The following DCDC2C variants were observed in gnomAD, a reference collection of about 807,000 sequenced individuals.
DCDC2C encodes doublecortin domain-containing protein 2C.
In DCDC2C, 44 loss-of-function variants were observed where a neutral mutation model predicts 45.0. The observed-to-expected ratio is 0.98, with a 90% confidence interval of 0.77 to 1.26. The LOEUF (loss-of-function observed/expected upper bound fraction) is 1.26. Among genes scored for constraint, DCDC2C ranks in the 50% most tolerant of loss-of-function variants. The pLI is 0.00. For missense variants in DCDC2C, 447 were observed against 468.9 expected (o/e 0.95, Z 0.43); for synonymous variants, 187 against 178.8 (o/e 1.05, Z -0.37).
intron 3 of DCDC2C, among the ~76,000 whole-genome samples, chr2:3,740,912 T>A (rs1669186449): frequency 6.6e-6 from 1 of 152,220 alleles, no homozygotes; most frequent in South Asian, 2.1e-4. Context: ...TAAATTATAA[T>A]GTAAAAAAAT....
intron 1 of DCDC2C, among the ~76,000 whole-genome samples, chr2:3,707,593 C>T (rs1034312662): frequency 4.6e-5 from 7 of 152,096 alleles, no homozygotes; most frequent in African/African-American, 1.7e-4. Flanking sequence ...TTTGGTCTCC[C>T]TTGGAAAAAA....
intron 1 of DCDC2C, among the ~76,000 whole-genome samples, chr2:3,707,775 G>T (rs1234399132): frequency 6.6e-6 from 1 of 152,172 alleles, no homozygotes; most frequent in Non-Finnish European, 1.5e-5. Context: ...ACCAGTTTCT[G>T]TGGGGATCTG....
chr2:3,728,686 C>T (rs1274423102), intron 3 of DCDC2C, among the ~76,000 whole-genome samples: 1 of 152,184 alleles, frequency 6.6e-6, no homozygotes, highest in Non-Finnish European at 1.5e-5. Flanking sequence ...TAAACCTGAT[C>T]GTGTTCCTCG....
intron 2 of DCDC2C, among the ~76,000 whole-genome samples, chr2:3,720,745 C>T (rs145482662): frequency 5.2e-4 from 79 of 152,220 alleles, no homozygotes; most frequent in African/African-American, 1.8e-3. Context: ...ATTCCTGGGG[C>T]AAACCCCACT....
chr2:3,748,455 C>T (rs1445586069), intron 4 of DCDC2C, among the ~76,000 whole-genome samples: 1 of 151,776 alleles, frequency 6.6e-6, no homozygotes, highest in African/African-American at 2.4e-5. Flanking sequence ...ATCAGAGCAG[C>T]TGGGTGACTG....
chr2:3,727,760 C>G (rs1668737795), intron 3 of DCDC2C, among the ~76,000 whole-genome samples: 1 of 152,184 alleles, frequency 6.6e-6, no homozygotes, highest in African/African-American at 2.4e-5. Flanking sequence ...GGCTTTTCGT[C>G]TTATCAGCTT....
chr2:3,836,522 G>C (rs1193897439), intron 10 of DCDC2C, among the ~76,000 whole-genome samples: 4 of 152,206 alleles, frequency 2.6e-5, no homozygotes, highest in African/African-American at 9.6e-5. Context: ...TTTTGATAAA[G>C]TACCATGATT....
At chr2:3,787,712 G>C (rs1211177174) in intron 10 of DCDC2C, among the ~76,000 whole-genome samples, 1 of 152,152 alleles carries the variant, frequency 6.6e-6, no homozygotes, top group Non-Finnish European at 1.5e-5. Context: ...AAATGAGAAA[G>C]TGAAAACCCT....
chr2:3,742,923 A>T (rs1414129985), intron 4 of DCDC2C, among the ~76,000 whole-genome samples: 1 of 152,208 alleles, frequency 6.6e-6, no homozygotes, highest in Non-Finnish European at 1.5e-5. Flanking sequence ...ATGAAAGCTC[A>T]CAGTGGTGCT....
At chr2:3,817,261 C>T (rs772373014) in intron 10 of DCDC2C, among the ~76,000 whole-genome samples, 10 of 152,126 alleles carry the variant, frequency 6.6e-5, no homozygotes, top group East Asian at 1.9e-4. Flanking sequence ...GGAAGTAAAG[C>T]GGCCTTGAGA....
intron 10 of DCDC2C, among the ~76,000 whole-genome samples, chr2:3,799,410 A>G (rs1671047936): frequency 1.3e-5 from 2 of 152,148 alleles, no homozygotes; most frequent in Non-Finnish European, 2.9e-5. Flanking sequence ...GTTGCTGGTG[A>G]GGAACTGCGT....
Position 3,769,414 on chromosome 2 carries a change from G to C in DCDC2C, c.954+3G>C. 6.5e-7 allele frequency: 1 copy of C among 1,549,886 alleles called. No homozygotes were observed. The highest frequency in any genetic ancestry group is 1.4e-5 in the African/African-American group (1 of 73,160). On this transcript the variant is annotated splice_donor_region_variant and intron_variant, in intron 8 of 10. Transcript: ENST00000399143. ...AGCTGGAGGTGCCTGTGGACCAGGT[G>C]GGTGTCCGGGGTCCGATGTCCATGC... is the stretch of plus-strand genomic sequence containing the variant.
At chr2:3,755,496 T>C (rs1275709286) in intron 6 of DCDC2C, among the ~76,000 whole-genome samples, 1 of 147,838 alleles carries the variant, frequency 6.8e-6, no homozygotes, top group African/African-American at 2.4e-5. Flanking sequence ...TACACAGGAG[T>C]ACACGTGTGT....
chr2:3,753,722 C>T lies in DCDC2C; in HGVS notation c.683+822C>T, dbSNP rs551880100. Among the ~76,000 whole-genome samples the T allele has an allele frequency of 1.9e-4, 29 of 152,276 alleles. No individual in the cohort carries two copies. In the South Asian group the frequency reaches 4.1e-3, roughly 22 times the overall value. On this transcript the variant is annotated intron_variant, in intron 5 of 10. Transcript: ENST00000399143. ...GTGACAGTAAGGCAGCACATCAGCACGAGTGCTTGAACCTCCACTGAGGGC... is the reference window on the plus strand; with the variant it reads ...GTGACAGTAAGGCAGCACATCAGCATGAGTGCTTGAACCTCCACTGAGGGC...
intron 10 of DCDC2C, chr2:3,844,786 G>T (rs1418104655): frequency 6.6e-6 from 1 of 152,188 alleles, no homozygotes; most frequent in African/African-American, 2.4e-5. Context: ...GAAGAGGGTT[G>T]TTAGCGAGAC....
chr2:3,722,661 A>G (rs1668532663), intron 2 of DCDC2C, among the ~76,000 whole-genome samples: 1 of 152,266 alleles, frequency 6.6e-6, no homozygotes, highest in African/African-American at 2.4e-5. Context: ...TGTCATCACC[A>G]TCAGATACAT....
chr2:3,761,772 A>G lies in DCDC2C; in HGVS notation c.727-5982A>G, dbSNP rs1483488829. Among the ~76,000 whole-genome samples, 1 of 152,200 alleles carries G rather than the reference A, an allele frequency of 6.6e-6. No individual in the cohort carries two copies. Among genetic ancestry groups the G allele is most frequent in the Non-Finnish European group, 1.5e-5 (1 of 68,030 alleles). ...TGGACTGACTCTGAAATAGGTTGTTACTGTCCTTCAATTAGACAAACTGGC... is the reference window on the plus strand; with the variant it reads ...TGGACTGACTCTGAAATAGGTTGTTGCTGTCCTTCAATTAGACAAACTGGC... On this transcript the variant is annotated intron_variant, in intron 6 of 10. Coordinates refer to ENST00000399143, the MANE Select transcript of DCDC2C (RefSeq NM_001287444.2). This position sits in a 1 kb window ranked among gnomAD's most constrained non-coding sequence, Gnocchi z 4.3.
At chr2:3,797,361 C>T (rs1670989573) in intron 10 of DCDC2C, among the ~76,000 whole-genome samples, 1 of 151,786 alleles carries the variant, frequency 6.6e-6, no homozygotes, top group African/African-American at 2.4e-5. Context: ...TTTTGTGTCT[C>T]TATTTCCTTC....
chr2:3,771,762 G>T (rs1670177287), intron 8 of DCDC2C, among the ~76,000 whole-genome samples: 1 of 152,214 alleles, frequency 6.6e-6, no homozygotes, highest in Non-Finnish European at 1.5e-5. Context: ...ACTTGCGCGA[G>T]CGTGGCTGGC....
Sources: gnomAD v4.1 joint callset for allele counts (sites outside exome capture counted in the v4.1 genomes callset) on GRCh38, gnomAD v4.1.1 for gene constraint, Gnocchi (gnomAD v3.1) non-coding constraint, MANE v1.5 for transcripts, NCBI Gene and HGNC (gene_info 2026-07-23, HGNC 2026-07-21) for gene names.